The following UTRN variants were observed in gnomAD, a reference collection of about 807,000 sequenced individuals.
UTRN encodes the protein utrophin.
UTRN carries 283 observed loss-of-function variants against 463.9 expected under a neutral mutation model. That is an observed-to-expected ratio of 0.61 (90% CI 0.55 to 0.67). UTRN has a LOEUF of 0.67. UTRN is among the 30% of genes least tolerant of loss of function. UTRN has a pLI of 0.00. For synonymous variants in UTRN, 1,442 were observed against 1,431.5 expected, an observed-to-expected ratio of 1.01 and a Z score of -0.17; for missense variants, 3,922 against 4,084.3, an observed-to-expected ratio of 0.96 and a Z score of 1.08.
chr6:144,459,157 T>C lies in UTRN; in HGVS notation c.2527-17T>C, dbSNP rs377456539. On this transcript the variant is annotated splice_polypyrimidine_tract_variant and intron_variant, in intron 20 of 74. Transcript: ENST00000367545. Reference sequence around the variant, plus strand: ...TCATCTTCAGTGAGTTGTGTGACCGTATTTTCTCTTCCTTAGCGGGAATTG... The same window carrying C: ...TCATCTTCAGTGAGTTGTGTGACCGCATTTTCTCTTCCTTAGCGGGAATTG... 5.0e-6 allele frequency: 8 copies of C among 1,605,262 alleles called. No individual in the cohort carries two copies. The highest frequency in any genetic ancestry group is 6.8e-6 in the Non-Finnish European group (8 of 1,175,452).
intron 50 of UTRN, among the ~76,000 whole-genome samples, chr6:144,561,539 T>G (rs968772507): frequency 2.0e-5 from 3 of 152,054 alleles, no homozygotes; most frequent in South Asian, 2.1e-4. Flanking sequence ...TTTTTCTCCT[T>G]GTCCTTATCG....
At chr6:144,738,544 AC>A (rs1207225566) in intron 54 of UTRN, among the ~76,000 whole-genome samples, 2 of 152,088 alleles carry the variant, frequency 1.3e-5, no homozygotes, top group African/African-American at 4.8e-5. Context: ...ATGCACAAGC[AC>A]CCCCCACCAA....
intron 51 of UTRN, among the ~76,000 whole-genome samples, chr6:144,669,551 GTCT>G (rs753247832): frequency 6.6e-6 from 1 of 151,962 alleles, no homozygotes; most frequent in Non-Finnish European, 1.5e-5. Context: ...TTATACATAA[GTCT>G]TCTTAAGTTA....
chr6:144,590,822 G>GTC (rs1208535446), intron 51 of UTRN, among the ~76,000 whole-genome samples: 8 of 144,942 alleles, frequency 5.5e-5, no homozygotes, highest in Admixed American at 2.8e-4. Context: ...GTTGGAATTA[G>GTC]TCTCTCTCTC....
intron 2 of UTRN, among the ~76,000 whole-genome samples, chr6:144,389,085 A>G (rs548628758): frequency 1.7e-4 from 26 of 152,282 alleles, no homozygotes; most frequent in Admixed American, 3.3e-4. Flanking sequence ...GTTTGGTTTT[A>G]TACATTTTAG....
chr6:144,588,304 T>G (rs1802673477), intron 51 of UTRN, among the ~76,000 whole-genome samples: 1 of 152,218 alleles, frequency 6.6e-6, no homozygotes, highest in African/African-American at 2.4e-5. Flanking sequence ...TTTTAAAAAG[T>G]TATCCAATTA....
intron 51 of UTRN, among the ~76,000 whole-genome samples, chr6:144,669,277 A>G (rs898684532): frequency 6.6e-6 from 1 of 152,244 alleles, no homozygotes; most frequent in Non-Finnish European, 1.5e-5. Flanking sequence ...TTGAAAACTC[A>G]GAGAAGTATA....
chr6:144,626,127 T>C (rs949801308), intron 51 of UTRN, among the ~76,000 whole-genome samples: 2 of 152,194 alleles, frequency 1.3e-5, no homozygotes, highest in Non-Finnish European at 2.9e-5. Flanking sequence ...AAAAATATGT[T>C]AAGCAGTGAT....
At chr6:144,628,417 T>C (rs1242275826) in intron 51 of UTRN, among the ~76,000 whole-genome samples, 1 of 152,160 alleles carries the variant, frequency 6.6e-6, no homozygotes, top group African/African-American at 2.4e-5. Flanking sequence ...TTTTTTGAAA[T>C]GTGTGCAGAA....
intron 52 of UTRN, among the ~76,000 whole-genome samples, chr6:144,691,080 A>G (rs1200296156): frequency 6.6e-6 from 1 of 152,114 alleles, no homozygotes; most frequent in Non-Finnish European, 1.5e-5. Context: ...AAAAAGTTTT[A>G]TTCAGTTTAT....
At chr6:144,565,429 C>G (rs574102994) in intron 50 of UTRN, among the ~76,000 whole-genome samples, 1 of 152,130 alleles carries the variant, frequency 6.6e-6, no homozygotes, top group East Asian at 1.9e-4. Context: ...ACATGTGGGA[C>G]TGGATGAGAT....
intron 74 of UTRN, among the ~76,000 whole-genome samples, chr6:144,847,082 T>G (rs975717643): frequency 2.9e-4 from 44 of 152,218 alleles, no homozygotes; most frequent in Non-Finnish European, 1.5e-5. Flanking sequence ...TCTTATGTGC[T>G]ACATAAAGTC....
chr6:144,394,383 A>G (rs1207931845), intron 2 of UTRN, among the ~76,000 whole-genome samples: 2 of 152,320 alleles, frequency 1.3e-5, no homozygotes, highest in Middle Eastern at 3.4e-3. Context: ...TTATAAAACC[A>G]TCAGCTCTCA....
At chr6:144,561,248 TATATATATATATAC>T (rs1183381285) in intron 50 of UTRN, among the ~76,000 whole-genome samples, 2,962 of 65,174 alleles carry the variant, frequency 0.045, 144 homozygotes, top group South Asian at 0.098. Context: ...TATATATATA[TATATATATATATAC>T]ATACACACAC....
chr6:144,354,349 T>C (rs894466302), intron 2 of UTRN, among the ~76,000 whole-genome samples: 5 of 152,160 alleles, frequency 3.3e-5, no homozygotes, highest in South Asian at 2.1e-4. Context: ...TAGACTAACA[T>C]TGGAGAAATA....
intron 54 of UTRN, among the ~76,000 whole-genome samples, chr6:144,733,378 G>A (rs971966119): frequency 7.2e-5 from 11 of 152,124 alleles, no homozygotes; most frequent in African/African-American, 2.2e-4. Flanking sequence ...TTAGCCAGGT[G>A]TGGTGGTGCA....
chr6:144,396,341 G>C (rs575726260), intron 2 of UTRN, among the ~76,000 whole-genome samples: 9 of 152,150 alleles, frequency 5.9e-5, no homozygotes, highest in Non-Finnish European at 1.2e-4. Context: ...GCATAGAAAC[G>C]GACAGTAGAT....
intron 41 of UTRN, among the ~76,000 whole-genome samples, 153 bp downstream of exon 41, chr6:144,523,341 G>T (rs538727076): frequency 1.6e-4 from 25 of 151,892 alleles, no homozygotes; most frequent in Non-Finnish European, 2.9e-4. Context: ...AAGGAGTCTT[G>T]CTCTGTCACC....
At chr6:144,705,781 G>T (rs1248415625) in intron 53 of UTRN, among the ~76,000 whole-genome samples, 2 of 152,084 alleles carry the variant, frequency 1.3e-5, no homozygotes, top group Non-Finnish European at 2.9e-5. Flanking sequence ...GTGCTGAAGG[G>T]CAGTATATAA....
Sources: gnomAD v4.1 joint callset for allele counts (sites outside exome capture counted in the v4.1 genomes callset) on GRCh38, gnomAD v4.1.1 for gene constraint, MANE v1.5 for transcripts, NCBI Gene and HGNC (gene_info 2026-07-23, HGNC 2026-07-21) for gene names.